ZNF639: variants seen among roughly 807,000 people sequenced by gnomAD.
ZNF639 encodes the protein zinc finger protein 639, also known as zinc finger amplified in esophageal squamous cell carcinomas 1.
ZNF639 carries 20 observed loss-of-function variants against 39.8 expected under a neutral mutation model. That is an observed-to-expected ratio of 0.50 (90% CI 0.35 to 0.73). The LOEUF (loss-of-function observed/expected upper bound fraction) is 0.73, where lower values mean the gene tolerates loss of function less well. Ranked by LOEUF, ZNF639 falls within the 30% of genes least tolerant of loss-of-function variation. The pLI, the probability that ZNF639 is intolerant of heterozygous loss-of-function variation, is 0.00. For missense variants in ZNF639, 477 were observed against 566.2 expected (o/e 0.84, Z 1.60); for synonymous variants, 176 against 189.8 (o/e 0.93, Z 0.60).
intron 1 of ZNF639, 132 bp downstream of exon 1, chr3:179,323,423 T>G: frequency 1.0e-6 from 1 of 977,454 alleles, no homozygotes; most frequent in South Asian, 4.7e-5. Context: ...CTGCCTTCGT[T>G]ATATGGCGGG....
At chr3:179,333,244 A>G (rs373365998) in intron 5 of ZNF639, 25 bp from the exon 6 acceptor site, 66 of 1,580,718 alleles carry the variant, frequency 4.2e-5, no homozygotes, top group Admixed American at 3.7e-5. Flanking sequence ...TTATAGTCAT[A>G]TAATAGGTTT....
intron 4 of ZNF639, among the ~76,000 whole-genome samples, chr3:179,330,927 TAC>T (rs764716586): frequency 2.0e-5 from 3 of 152,204 alleles, no homozygotes; most frequent in Non-Finnish European, 4.4e-5. Context: ...TGTGGTACTG[TAC>T]ACACACACTT....
At chr3:179,332,685 T>G (rs1227065497) in intron 4 of ZNF639, among the ~76,000 whole-genome samples, 1 of 152,118 alleles carries the variant, frequency 6.6e-6, no homozygotes, top group Non-Finnish European at 1.5e-5. Context: ...CATGCTAACT[T>G]TGAAACACTG....
At chr3:179,328,411 A>G (rs757532250) in intron 3 of ZNF639, 60 bp downstream of exon 3, 2 of 1,218,558 alleles carry the variant, frequency 1.6e-6, no homozygotes, top group Non-Finnish European at 2.3e-6. Flanking sequence ...TTATATTCTC[A>G]TCCATTTTCT....
chr3:179,330,535 G>C (rs116643374), intron 4 of ZNF639, among the ~76,000 whole-genome samples: 1,617 of 152,312 alleles, frequency 0.011, 28 homozygotes, highest in African/African-American at 0.036. Flanking sequence ...GTCCTCCCAT[G>C]TTGGCCTCAC....
rs779056297 is a variant in ZNF639, at chr3:179,335,882, C to A, written c.*1460C>A. The A allele has an allele frequency of 6.6e-6, 1 of 151,990 alleles. No homozygotes were observed. Among genetic ancestry groups the A allele is most frequent in the African/African-American group, 2.4e-5 (1 of 41,310 alleles). The allele number at this position is 151,990 out of a possible 1,614,324, so 9.4% of individuals were successfully genotyped here. Reference sequence around the variant, plus strand: ...CTCAGCTCATTGCAACCTCCGCCTCCCAGGTTCAAGTGATTCTGCTGCCTC... The same window carrying A: ...CTCAGCTCATTGCAACCTCCGCCTCACAGGTTCAAGTGATTCTGCTGCCTC... On this transcript the variant is annotated 3_prime_UTR_variant, in exon 6 of 6. Coordinates refer to ENST00000496856, the MANE Select transcript of ZNF639 (RefSeq NM_001303426.2).
At chr3:179,327,145 G>A (rs1163007191) in intron 1 of ZNF639, among the ~76,000 whole-genome samples, 3 of 152,016 alleles carry the variant, frequency 2.0e-5, no homozygotes, top group Non-Finnish European at 4.4e-5. Flanking sequence ...AGCTGAGATC[G>A]CGCCATTGCA....
In ZNF639 at chr3:179,334,030, C is replaced by T; in HGVS notation, c.1066C>T (p.His356Tyr). The T allele has an allele frequency of 6.2e-7, 1 of 1,614,138 alleles. No homozygotes were observed. Among genetic ancestry groups the T allele is most frequent in the Non-Finnish European group, 8.5e-7 (1 of 1,180,022 alleles). ...ELSDKYNNGE[H>Y]GQYSLLSKIT... The stretch of plus-strand genomic sequence containing the variant: ...AAGTGATAAGTATAACAATGGTGAA[C>T]ATGGACAGTATAGCCTCTTAAGCAA... Residue 356 changes from histidine to tyrosine, a missense_variant, in exon 6 of 6, where the codon CAT becomes TAT. Coordinates refer to ENST00000496856, the MANE Select transcript of ZNF639 (RefSeq NM_001303426.2).
rs549313818 is a variant in ZNF639 at position 179,337,258 on chromosome 3, CA to C, written c.*2848del. On this transcript the variant is annotated 3_prime_UTR_variant, in exon 6 of 6. Coordinates refer to ENST00000496856, the MANE Select transcript of ZNF639 (RefSeq NM_001303426.2). The stretch of plus-strand genomic sequence containing the variant: ...CCTGGGTGACAGAGTGAGACTGTCT[CA>C]AAAAAAAAAAAGAAAAGAAGAAAAG... 74 of 127,388 alleles carry C rather than the reference CA, an allele frequency of 5.8e-4. No homozygotes were observed. The highest frequency in any genetic ancestry group is 4.3e-4 in the Non-Finnish European group (26 of 60,104). 7.9% of individuals were successfully genotyped at this position (127,388 alleles called of 1,614,324 possible). A position where few individuals can be genotyped will look rare whatever the true frequency, so the allele number is the denominator to read the frequency against.
rs1226082099 is a variant in ZNF639, at chr3:179,334,194, A to G, written c.1230A>G (p.Lys410=). Residue 410 remains lysine, a synonymous_variant, in exon 6 of 6, where the codon AAA becomes AAG. Coordinates refer to ENST00000496856, the MANE Select transcript of ZNF639 (RefSeq NM_001303426.2). ...IFPHVCDDCG[K]GFSSMLEYCK... is the part of the protein sequence containing the mutation. ...CTCATGTTTGTGATGACTGTGGGAAAGGCTTTTCAAGTATGCTAGAATATT... is the reference window on the plus strand; with the variant it reads ...CTCATGTTTGTGATGACTGTGGGAAGGGCTTTTCAAGTATGCTAGAATATT... 1 of 1,614,066 alleles carries G rather than the reference A, an allele frequency of 6.2e-7. No homozygotes were observed. Among genetic ancestry groups the G allele is most frequent in the Non-Finnish European group, 8.5e-7 (1 of 1,179,958 alleles).
chr3:179,322,968 C>A (rs1355839041), upstream of ZNF639: 5 of 985,000 alleles, frequency 5.1e-6, no homozygotes, highest in Non-Finnish European at 4.8e-6. Context: ...GCGGTGCGTT[C>A]GCGCAGCCCG....
At chr3:179,322,924 G>T, upstream of ZNF639, 1 of 984,998 alleles carries the variant, frequency 1.0e-6, no homozygotes, top group Non-Finnish European at 1.2e-6. Flanking sequence ...CTCCCCCGGG[G>T]CTGCGGGCCG....
At chr3:179,325,540 C>G (rs903794772) in intron 1 of ZNF639, among the ~76,000 whole-genome samples, 3 of 152,186 alleles carry the variant, frequency 2.0e-5, no homozygotes, top group Admixed American at 6.5e-5. Context: ...AGTAACTCCT[C>G]CATGTACCGC....
chr3:179,328,383 G>T, intron 3 of ZNF639, 32 bp downstream of exon 3: 1 of 1,429,862 alleles, frequency 7.0e-7, no homozygotes. Flanking sequence ...AGTTGGGTAT[G>T]GATTAATTCC....
chr3:179,328,856 A>T (rs182433385), intron 3 of ZNF639, among the ~76,000 whole-genome samples: 44 of 151,068 alleles, frequency 2.9e-4, no homozygotes, highest in Admixed American at 6.6e-4. Flanking sequence ...GCTCACTGCA[A>T]CCTCTGCTTT....
intron 1 of ZNF639, among the ~76,000 whole-genome samples, chr3:179,327,107 T>C (rs1727639726): frequency 6.6e-6 from 1 of 151,996 alleles, no homozygotes; most frequent in Admixed American, 6.6e-5. Flanking sequence ...GGAGAATCGC[T>C]TTAACCCAGG....
chr3:179,333,826 C>T lies in ZNF639; in HGVS notation c.862C>T (p.Leu288Phe), dbSNP rs1273220384. The T allele has an allele frequency of 6.2e-7, 1 of 1,614,148 alleles. No individual in the cohort carries two copies. The highest frequency in any genetic ancestry group is 8.5e-7 in the Non-Finnish European group (1 of 1,180,030). ...HIADTHFSDH[L>F]YWCEQCDVQF... The stretch of plus-strand genomic sequence containing the variant: ...TGCAGACACCCATTTTAGTGATCAC[C>T]TCTATTGGTGTGAACAGTGTGATGT... The change falls in exon 6 of 6, where the codon CTC becomes TTC. Residue 288 changes from leucine (L) to phenylalanine (F), a missense_variant. Coordinates refer to ENST00000496856, the MANE Select transcript of ZNF639 (RefSeq NM_001303426.2).
chr3:179,330,438 A>C (rs1173850281), intron 4 of ZNF639, among the ~76,000 whole-genome samples: 1 of 152,072 alleles, frequency 6.6e-6, no homozygotes, highest in Non-Finnish European at 1.5e-5. Context: ...ATGCACCACG[A>C]TGCCTGGCTA....
Position 179,333,462 on chromosome 3 carries a change from A to G in ZNF639, c.498A>G (p.Gln166=), listed in dbSNP as rs767360545. 1.3e-5 allele frequency: 21 copies of G among 1,614,064 alleles called. No homozygotes were observed. In the African/African-American group the frequency reaches 2.4e-4, roughly 18 times the overall value. The change falls in exon 6 of 6, where the codon CAA becomes CAG. Residue 166 remains glutamine, a synonymous_variant. Coordinates refer to ENST00000496856, the MANE Select transcript of ZNF639 (RefSeq NM_001303426.2). ...ATTCCTCTGAGAGTCTCCAAGACCA[A>G]ACTGATGAAGAACCGCCAGCTAAAC... is the stretch of plus-strand genomic sequence containing the variant. ...ENNSSESLQD[Q]TDEEPPAKLC...
Sources: gnomAD v4.1 joint callset for allele counts (sites outside exome capture counted in the v4.1 genomes callset) on GRCh38, gnomAD v4.1.1 for gene constraint, MANE v1.5 for transcripts, NCBI Gene and HGNC (gene_info 2026-07-23, HGNC 2026-07-21) for gene names.